The following HDAC4 variants were observed in gnomAD, a reference collection of about 807,000 sequenced individuals.
HDAC4 encodes histone deacetylase A.
In HDAC4, 16 loss-of-function variants were observed where a neutral mutation model predicts 135.1. The ratio of observed to expected loss-of-function variants is 0.12; its 90% CI spans 0.08 to 0.18. The LOEUF (loss-of-function observed/expected upper bound fraction) is 0.18. HDAC4 is among the 10% of genes least tolerant of loss of function. The pLI is 1.00. For synonymous variants in HDAC4, 685 were observed against 653.4 expected (o/e 1.05, Z -0.74); for missense variants, 1,143 against 1,511.8 (o/e 0.76, Z 4.05).
rs932094015 is a variant in HDAC4, at chr2:239,308,629, T to C, written c.22+44049A>G. Reference sequence around the variant, plus strand: ...TATTTCAAAAGCACAAAGATCTATGTTCATGGTGTAGTCCAGGCAGAGTGT... The same window carrying C: ...TATTTCAAAAGCACAAAGATCTATGCTCATGGTGTAGTCCAGGCAGAGTGT... On this transcript the variant is annotated intron_variant, in intron 2 of 26. Transcript: ENST00000543185. This position sits in a 1 kb window ranked among gnomAD's most constrained non-coding sequence, Gnocchi z 4.2. Among the ~76,000 whole-genome samples the C allele has an allele frequency of 1.3e-5, 2 of 152,168 alleles. No homozygotes were observed. Among genetic ancestry groups the C allele is most frequent in the African/African-American group, 4.8e-5 (2 of 41,436 alleles).
rs144483992 is a variant in HDAC4, at chr2:239,110,227, G to A, written c.1978+1299C>T. 1.6e-3 allele frequency among the ~76,000 whole-genome samples: 249 copies of A among 152,308 alleles called. 2 individuals are homozygous for A. Among genetic ancestry groups the A allele is most frequent in the African/African-American group, 5.6e-3 (234 of 41,574 alleles). On this transcript the variant is annotated intron_variant, in intron 14 of 26. Transcript: ENST00000543185. ...CTGGGGAGTGGCATTACGGGCAAAC[G>A]GCATTTCCTGTGGGTTTCTATCATG...
At chr2:239,190,168 A>ACC in intron 3 of HDAC4, 91 bp from the exon 4 acceptor site, 1 of 828,384 alleles carries the variant, frequency 1.2e-6, no homozygotes, top group Non-Finnish European at 1.7e-6. Flanking sequence ...GGCCACCTTC[A>ACC]CGGGGCGGGG....
chr2:239,157,518 G>T (rs754305840), intron 6 of HDAC4, among the ~76,000 whole-genome samples: 1 of 152,232 alleles, frequency 6.6e-6, no homozygotes, highest in African/African-American at 2.4e-5. Flanking sequence ...TGGGGAGGAG[G>T]CGGGCCCTGG....
chr2:239,102,042 C>T (rs55797050), intron 16 of HDAC4, among the ~76,000 whole-genome samples: 2 of 103,432 alleles, frequency 1.9e-5, no homozygotes, highest in Admixed American at 1.2e-4. Flanking sequence ...ACGTTCTGTG[C>T]CCTGGAAGCC....
chr2:239,353,611 C>T (rs1693303455), intron 1 of HDAC4, among the ~76,000 whole-genome samples: 1 of 152,058 alleles, frequency 6.6e-6, no homozygotes, highest in Non-Finnish European at 1.5e-5. Context: ...CCAGGGAGTG[C>T]CAAAGGTCCT....
chr2:239,308,669 C>T lies in HDAC4; in HGVS notation c.22+44009G>A, dbSNP rs1050503768. Reference sequence around the variant, plus strand: ...AGGCAGAGTGTGGTTAACAGGCCTCCGGGTGTCCCCCCCTTCCAGCCCAGT... The same window carrying T: ...AGGCAGAGTGTGGTTAACAGGCCTCTGGGTGTCCCCCCCTTCCAGCCCAGT... On this transcript the variant is annotated intron_variant, in intron 2 of 26. Coordinates refer to ENST00000543185, the MANE Select transcript of HDAC4 (RefSeq NM_001378414.1). The surrounding 1 kb of genome is among the most constrained non-coding windows in gnomAD (Gnocchi z 4.2). 6.6e-6 allele frequency among the ~76,000 whole-genome samples: 1 copy of T among 152,062 alleles called. No individual in the cohort carries two copies. The highest frequency in any genetic ancestry group is 2.1e-4 in the South Asian group (1 of 4,820).
intron 19 of HDAC4, 98 bp from the exon 20 acceptor site, chr2:239,084,340 A>C: frequency 6.2e-6 from 5 of 804,768 alleles, no homozygotes; most frequent in Non-Finnish European, 8.5e-6. Flanking sequence ...ACGCAGACCT[A>C]AGAGGTCTCT....
intron 2 of HDAC4, among the ~76,000 whole-genome samples, chr2:239,297,027 T>TAA (rs71043186): frequency 0.16 from 19,021 of 117,820 alleles, 1,735 homozygotes; most frequent in East Asian, 0.27. Context: ...TGTTTTCATG[T>TAA]AAAAAAAAAA....
chr2:239,282,279 C>T (rs1182288752), intron 2 of HDAC4, among the ~76,000 whole-genome samples: 1 of 143,898 alleles, frequency 6.9e-6, no homozygotes, highest in African/African-American at 2.6e-5. Context: ...GTACACACCA[C>T]TCTACAATGT....
intron 2 of HDAC4, among the ~76,000 whole-genome samples, chr2:239,290,768 C>A (rs879918451): frequency 2.0e-5 from 3 of 152,202 alleles, no homozygotes; most frequent in Non-Finnish European, 4.4e-5. Context: ...ACACCACACA[C>A]GCTCCCGTGT....
At chr2:239,248,314 G>A (rs1374094107) in intron 2 of HDAC4, among the ~76,000 whole-genome samples, 1 of 151,916 alleles carries the variant, frequency 6.6e-6, no homozygotes, top group Non-Finnish European at 1.5e-5. Context: ...CCGAATAGCT[G>A]GGACTACAGG....
intron 2 of HDAC4, among the ~76,000 whole-genome samples, chr2:239,237,177 C>G (rs1044652918): frequency 6.6e-6 from 1 of 152,066 alleles, no homozygotes; most frequent in African/African-American, 2.4e-5. Flanking sequence ...CAGGTGTTCT[C>G]AAGGTATAGA....
intron 6 of HDAC4, among the ~76,000 whole-genome samples, chr2:239,163,566 T>C (rs1275868788): frequency 6.6e-6 from 1 of 151,918 alleles, no homozygotes; most frequent in Non-Finnish European, 1.5e-5. Flanking sequence ...GCCGTGTGAG[T>C]GTACCCCCAG....
Position 239,306,647 on chromosome 2 carries a change from G to GC in HDAC4, c.22+46030dup, listed in dbSNP as rs1001671376. Among the ~76,000 whole-genome samples the GC allele has an allele frequency of 6.6e-6, 1 of 152,046 alleles. No individual in the cohort carries two copies. Among genetic ancestry groups the GC allele is most frequent in the African/African-American group, 2.4e-5 (1 of 41,402 alleles). On this transcript the variant is annotated intron_variant, in intron 2 of 26. Transcript: ENST00000543185. The surrounding 1 kb of genome is among the most constrained non-coding windows in gnomAD (Gnocchi z 4.5). ...CAGGCACCCCATGTTCCCCCTATAT[G>GC]CCCCCCACACTGCCCAGGTGATGGC...
At position 239,176,574 on chromosome 2, in the gene HDAC4, AAGG is replaced by A. The variant is rs891150666; in HGVS notation, c.340-14_340-12del. Reference sequence around the variant, plus strand: ...CATCTCCTGTTGTTGCTGCAAGTGGAAGGAGGAGACAGACGGTCAGAGCCCAGG... The same window carrying A: ...CATCTCCTGTTGTTGCTGCAAGTGGAAGGAGACAGACGGTCAGAGCCCAGG... On this transcript the variant is annotated splice_polypyrimidine_tract_variant and intron_variant, in intron 4 of 26. Transcript: ENST00000543185. 5 of 1,611,746 alleles carry A rather than the reference AAGG, an allele frequency of 3.1e-6. No individual in the cohort carries two copies. The highest frequency in any genetic ancestry group is 1.7e-4 in the Middle Eastern group (1 of 5,962).
intron 7 of HDAC4, among the ~76,000 whole-genome samples, 178 bp from the exon 8 acceptor site, chr2:239,144,892 C>T (rs928539657): frequency 1.3e-5 from 2 of 152,192 alleles, no homozygotes; most frequent in African/African-American, 4.8e-5. Context: ...TCCCATTCAT[C>T]AGTCCCAAAT....
rs147047395 is a variant in HDAC4 at position 239,063,239 on chromosome 2, C to T, written c.3003+3483G>A. ...TTTTTTAGGCGGAGTCTCGCTCTCT[C>T]GCCCAGGCTGGAGTGTGGTGGCGCG... is the stretch of plus-strand genomic sequence containing the variant. On this transcript the variant is annotated intron_variant, in intron 24 of 26. Coordinates refer to ENST00000543185, the MANE Select transcript of HDAC4 (RefSeq NM_001378414.1). Among the ~76,000 whole-genome samples the T allele has an allele frequency of 3.0e-3, 451 of 151,944 alleles. 2 individuals carry two copies. Among genetic ancestry groups the T allele is most frequent in the African/African-American group, 0.01 (429 of 41,458 alleles).
At chr2:239,246,864 C>G (rs1380054952) in intron 2 of HDAC4, among the ~76,000 whole-genome samples, 2 of 152,250 alleles carry the variant, frequency 1.3e-5, no homozygotes, top group African/African-American at 4.8e-5. Context: ...GTCCACTGCC[C>G]AGTGGCGAGG....
chr2:239,133,621 C>A (rs1292865148), intron 11 of HDAC4, among the ~76,000 whole-genome samples: 1 of 152,156 alleles, frequency 6.6e-6, no homozygotes, highest in Non-Finnish European at 1.5e-5. Flanking sequence ...TGTGCGCCAC[C>A]ACGCCCAGCT....
Sources: gnomAD v4.1 joint callset for allele counts (sites outside exome capture counted in the v4.1 genomes callset) on GRCh38, gnomAD v4.1.1 for gene constraint, Gnocchi (gnomAD v3.1) non-coding constraint, MANE v1.5 for transcripts, NCBI Gene and HGNC (gene_info 2026-07-23, HGNC 2026-07-21) for gene names.